The following TNRC6B variants were observed in gnomAD, a reference collection of about 807,000 sequenced individuals.
TNRC6B encodes trinucleotide repeat-containing gene 6B protein.
Under a neutral mutation model 203.6 loss-of-function variants are expected in TNRC6B, and 52 were observed. The ratio of observed to expected loss-of-function variants is 0.26; its 90% CI spans 0.20 to 0.32. The LOEUF (loss-of-function observed/expected upper bound fraction) is 0.32, where lower values mean the gene tolerates loss of function less well. TNRC6B is among the 10% of genes least tolerant of loss of function. The pLI is 1.00. For missense variants in TNRC6B, 1,923 were observed against 2,286.2 expected (o/e 0.84, Z 3.24); for synonymous variants, 838 against 845.7 (o/e 0.99, Z 0.16).
At chr22:40,256,077 G>A (rs1456766321) in intron 3 of TNRC6B, among the ~76,000 whole-genome samples, 1 of 152,090 alleles carries the variant, frequency 6.6e-6, no homozygotes, top group East Asian at 1.9e-4. Flanking sequence ...ATTGAGAGAG[G>A]CTTTAGTTTA....
At chr22:40,263,039 TA>T (rs34886394) in intron 4 of TNRC6B, among the ~76,000 whole-genome samples, 35,365 of 134,640 alleles carry the variant, frequency 0.26, 5,260 homozygotes, top group East Asian at 0.57. Context: ...GACTCCGTCT[TA>T]AAAAAAAAAA....
intron 1 of TNRC6B, among the ~76,000 whole-genome samples, chr22:40,236,057 T>C (rs549083968): frequency 6.6e-6 from 1 of 152,346 alleles, no homozygotes; most frequent in African/African-American, 2.4e-5. Context: ...TGGTAACTTC[T>C]TGCAGAACTA....
At chr22:40,235,683 T>C (rs1258027229) in intron 1 of TNRC6B, among the ~76,000 whole-genome samples, 1 of 152,242 alleles carries the variant, frequency 6.6e-6, no homozygotes, top group Non-Finnish European at 1.5e-5. Context: ...TTGTGAATTA[T>C]GTGTCAGAGG....
chr22:40,267,089 C>G (rs2070493023), intron 5 of TNRC6B, 53 bp downstream of exon 5: 4 of 1,449,384 alleles, frequency 2.8e-6, no homozygotes, highest in East Asian at 2.5e-5. Flanking sequence ...AATCCTAGAC[C>G]AAGGCATTTT....
intron 1 of TNRC6B, among the ~76,000 whole-genome samples, chr22:40,238,066 G>T (rs1325564429): frequency 1.3e-5 from 2 of 152,104 alleles, no homozygotes; most frequent in Non-Finnish European, 2.9e-5. Flanking sequence ...CCCCCGGGAG[G>T]GTAGAAAGTG....
At chr22:40,179,004 A>G (rs2146377748) in intron 1 of TNRC6B, among the ~76,000 whole-genome samples, 1 of 152,280 alleles carries the variant, frequency 6.6e-6, no homozygotes, top group South Asian at 2.1e-4. Context: ...TTTTACACAG[A>G]TGCAAAACTG....
Position 40,090,255 on chromosome 22 carries a change from A to G in TNRC6B, c.-120-26800A>G, listed in dbSNP as rs529072747. On this transcript the variant is annotated intron_variant, in intron 1 of 23. Coordinates refer to the TNRC6B transcript ENST00000301923. The stretch of plus-strand genomic sequence containing the variant: ...AAGTTTAGTTTTGTGAGAAACTACC[A>G]AACTTGTCTTGCAAAGTGGCCATAC... Among the ~76,000 whole-genome samples, 103 of 152,360 alleles carry G rather than the reference A, an allele frequency of 6.8e-4. 3 individuals are homozygous for G. In the South Asian group the frequency reaches 0.02, roughly 29 times the overall value.
chr22:40,308,711 T>C, intron 16 of TNRC6B, 62 bp downstream of exon 16: 1 of 1,530,496 alleles, frequency 6.5e-7, no homozygotes, highest in Non-Finnish European at 8.8e-7. Flanking sequence ...AAACATCTTA[T>C]AAGACTATTT....
At chr22:40,277,238 G>T in intron 8 of TNRC6B, 87 bp downstream of exon 8, 1 of 917,660 alleles carries the variant, frequency 1.1e-6, no homozygotes, top group Non-Finnish European at 1.6e-6. Context: ...GCCACATATA[G>T]TACAAAATTA....
rs147471955 is a variant in TNRC6B, at chr22:40,304,433, A to G, written c.4120+3100A>G. On this transcript the variant is annotated intron_variant, in intron 15 of 22. Transcript: ENST00000454349. ...AGGGAGACAGAGAGAAAGAATACCT[A>G]ATTGAATTGTTAGGTGATAATGACC... is the stretch of plus-strand genomic sequence containing the variant. Among the ~76,000 whole-genome samples, 15 of 152,284 alleles carry G rather than the reference A, an allele frequency of 9.9e-5. No homozygotes were observed. The East Asian group carries it at 2.7e-3, about 27-fold the overall frequency.
chr22:40,131,002 C>T (rs978197657), intron 3 of TNRC6B, among the ~76,000 whole-genome samples: 1 of 151,134 alleles, frequency 6.6e-6, no homozygotes, highest in Non-Finnish European at 1.5e-5. Context: ...CCCGGGTTCA[C>T]GCCATTCTCC....
At chr22:40,233,108 C>T (rs1482935665) in intron 1 of TNRC6B, among the ~76,000 whole-genome samples, 1 of 151,320 alleles carries the variant, frequency 6.6e-6, no homozygotes, top group East Asian at 2.0e-4. Flanking sequence ...AGATCTGCTG[C>T]ACTCCAGCCT....
intron 1 of TNRC6B, among the ~76,000 whole-genome samples, chr22:40,196,193 G>A (rs1291736086): frequency 6.6e-6 from 1 of 151,616 alleles, no homozygotes; most frequent in African/African-American, 2.4e-5. Flanking sequence ...TTTTGAGACA[G>A]GGTCTCAGTC....
At chr22:40,258,801 C>T (rs1430911854) in intron 3 of TNRC6B, among the ~76,000 whole-genome samples, 3 of 152,122 alleles carry the variant, frequency 2.0e-5, no homozygotes, top group South Asian at 4.1e-4. Context: ...TTACATGATA[C>T]GTGATACCTA....
At chr22:40,314,398 T>TA (rs2071228893) in intron 19 of TNRC6B, among the ~76,000 whole-genome samples, 2 of 152,322 alleles carry the variant, frequency 1.3e-5, no homozygotes, top group Non-Finnish European at 2.9e-5. Context: ...ACTATCACAG[T>TA]AGTTTAAACA....
At chr22:40,191,824 C>T (rs905245181) in intron 1 of TNRC6B, among the ~76,000 whole-genome samples, 2 of 152,226 alleles carry the variant, frequency 1.3e-5, no homozygotes, top group African/African-American at 2.4e-5. Flanking sequence ...GATCTCAGCT[C>T]ACTGCAACCT....
intron 1 of TNRC6B, among the ~76,000 whole-genome samples, chr22:40,051,126 C>T (rs897761004): frequency 3.3e-5 from 5 of 152,120 alleles, no homozygotes; most frequent in Non-Finnish European, 5.9e-5. Flanking sequence ...CCCAGCCTAT[C>T]CTGTAGTTTC....
chr22:40,196,871 A>G (rs933514580), intron 1 of TNRC6B, among the ~76,000 whole-genome samples: 11 of 152,082 alleles, frequency 7.2e-5, no homozygotes, highest in South Asian at 2.1e-4. Flanking sequence ...TTAAGTGCCT[A>G]TTATGCTGCA....
At chr22:40,306,310 A>G (rs2071087576) in intron 15 of TNRC6B, among the ~76,000 whole-genome samples, 1 of 152,196 alleles carries the variant, frequency 6.6e-6, no homozygotes, top group African/African-American at 2.4e-5. Context: ...AAAAGAAAGA[A>G]AAAAAGAAAT....
Sources: gnomAD v4.1 joint callset for allele counts (sites outside exome capture counted in the v4.1 genomes callset) on GRCh38, gnomAD v4.1.1 for gene constraint, MANE v1.5 for transcripts, NCBI Gene and HGNC (gene_info 2026-07-23, HGNC 2026-07-21) for gene names.